TTC33: variants seen among roughly 807,000 people sequenced by gnomAD.
TTC33 encodes the protein tetratricopeptide repeat protein 33.
TTC33 carries 24 observed loss-of-function variants against 29.4 expected under a neutral mutation model. That is an observed-to-expected ratio of 0.82 (90% CI 0.59 to 1.15). The LOEUF is 1.15. Among genes scored for constraint, TTC33 ranks in the 50% most tolerant of loss-of-function variants. The pLI is 0.00. For synonymous variants in TTC33, 107 were observed against 100.3 expected (o/e 1.07, Z -0.40); for missense variants, 286 against 310.4 (o/e 0.92, Z 0.59).
chr5:40,743,403 C>A (rs1368620349), intron 2 of TTC33, among the ~76,000 whole-genome samples: 2 of 152,158 alleles, frequency 1.3e-5, no homozygotes, highest in Non-Finnish European at 2.9e-5. Flanking sequence ...ATTTGGTAGG[C>A]AGGGACTCAG....
chr5:40,719,614 G>A (rs987843790), intron 4 of TTC33, among the ~76,000 whole-genome samples: 5 of 152,096 alleles, frequency 3.3e-5, no homozygotes, highest in African/African-American at 1.2e-4. Context: ...TTTTTTTGAG[G>A]AGCTGCCAGA....
intron 4 of TTC33, among the ~76,000 whole-genome samples, chr5:40,721,697 C>T (rs1283121596): frequency 6.6e-6 from 1 of 150,890 alleles, no homozygotes; most frequent in African/African-American, 2.4e-5. Flanking sequence ...CAAAACAAAA[C>T]AAAACAAAAA....
intron 4 of TTC33, among the ~76,000 whole-genome samples, chr5:40,724,521 T>C (rs1742233235): frequency 6.6e-6 from 1 of 151,774 alleles, no homozygotes; most frequent in Non-Finnish European, 1.5e-5. Flanking sequence ...TAGTCCCAGC[T>C]ACTTGGGAGG....
At chr5:40,716,657 A>C (rs1379893255) in intron 4 of TTC33, among the ~76,000 whole-genome samples, 159 bp from the exon 5 acceptor site, 1 of 152,228 alleles carries the variant, frequency 6.6e-6, no homozygotes, top group African/African-American at 2.4e-5. Context: ...GTGTTGCCCT[A>C]AACACTGGGG....
chr5:40,717,492 A>G (rs1742027677), intron 4 of TTC33, among the ~76,000 whole-genome samples: 1 of 152,206 alleles, frequency 6.6e-6, no homozygotes, highest in African/African-American at 2.4e-5. Context: ...CCTCAGCACT[A>G]CTGACATATT....
At chr5:40,753,792 T>G (rs1742938672) in intron 1 of TTC33, among the ~76,000 whole-genome samples, 1 of 152,098 alleles carries the variant, frequency 6.6e-6, no homozygotes, top group Non-Finnish European at 1.5e-5. Context: ...AGATTCCAAA[T>G]GAAACTTTCT....
chr5:40,752,507 C>G (rs1278509845), intron 1 of TTC33, among the ~76,000 whole-genome samples: 1 of 152,198 alleles, frequency 6.6e-6, no homozygotes, highest in East Asian at 1.9e-4. Flanking sequence ...GTAGGATTAA[C>G]TGGCCTAATT....
chr5:40,717,229 CAAAAA>C (rs35359209), intron 4 of TTC33, among the ~76,000 whole-genome samples: 1 of 108,902 alleles, frequency 9.2e-6, no homozygotes, highest in Non-Finnish European at 1.8e-5. Context: ...AACTCCATCT[CAAAAA>C]AAAAAAAAAA....
rs1168289285 is a variant in TTC33, at chr5:40,714,810, G to C, written c.*1335C>G. ...AAAAAATGTAGATCATTACTTATAA[G>C]CTCCAACAGTAGTAAGATCTTTAAC... On this transcript the variant is annotated 3_prime_UTR_variant, in exon 5 of 5. Coordinates refer to ENST00000337702, the MANE Select transcript of TTC33 (RefSeq NM_012382.3). The C allele has an allele frequency of 6.6e-6, 1 of 152,116 alleles. No homozygotes were observed. The highest frequency in any genetic ancestry group is 2.4e-5 in the African/African-American group (1 of 41,396). The allele number at this position is 152,116 out of a possible 1,614,324, so 9.4% of individuals were successfully genotyped here.
At position 40,730,134 on chromosome 5, in the gene TTC33, T is replaced by C. The variant is rs888956728; in HGVS notation, c.303+128A>G. ...AGAACCATAAATAATGGTGAAATAT[T>C]TTTTCCCAAAGAAACCGTATTTGTA... is the stretch of plus-strand genomic sequence containing the variant. On this transcript the variant is annotated intron_variant, in intron 3 of 4. Transcript: ENST00000337702. 26 of 668,928 alleles carry C rather than the reference T, an allele frequency of 3.9e-5. No homozygotes were observed. The African/African-American group carries it at 4.7e-4, about 12-fold the overall frequency. 41.4% of individuals were successfully genotyped at this position (668,928 alleles called of 1,614,324 possible). A position where few individuals can be genotyped will look rare whatever the true frequency, so the allele number is the denominator to read the frequency against.
chr5:40,718,938 A>G (rs190684345), intron 4 of TTC33, among the ~76,000 whole-genome samples: 1 of 152,248 alleles, frequency 6.6e-6, no homozygotes. Flanking sequence ...TTAAGGTACC[A>G]TGGGAATTGT....
chr5:40,728,491 A>AC lies in TTC33; in HGVS notation c.304-16_304-15insG. 1 of 1,578,440 alleles carries AC rather than the reference A, an allele frequency of 6.3e-7. No individual in the cohort carries two copies. Among genetic ancestry groups the AC allele is most frequent in the East Asian group, 2.2e-5 (1 of 44,486 alleles). ...GACATTAGCACCTATAGGCAAAAAA[A>AC]GACCAAAAAATCTGTCAGTAATATT... On this transcript the variant is annotated splice_polypyrimidine_tract_variant and intron_variant, in intron 3 of 4. Transcript: ENST00000337702.
Position 40,717,337 on chromosome 5 carries a change from A to T in TTC33, c.436-839T>A, listed in dbSNP as rs111239700. Among the ~76,000 whole-genome samples the T allele has an allele frequency of 2.9e-3, 438 of 152,286 alleles. 2 individuals are homozygous for T. Among genetic ancestry groups the T allele is most frequent in the African/African-American group, 0.01 (427 of 41,580 alleles). The stretch of plus-strand genomic sequence containing the variant: ...TCAGTACTATTTTAGAGAAGCACAG[A>T]AAGAGTAGAAACCAAAGGTATCAGC... On this transcript the variant is annotated intron_variant, in intron 4 of 4. Transcript: ENST00000337702.
chr5:40,751,281 A>G (rs1742890245), intron 1 of TTC33, among the ~76,000 whole-genome samples: 1 of 152,248 alleles, frequency 6.6e-6, no homozygotes, highest in South Asian at 2.1e-4. Context: ...TTAATCTTGT[A>G]CATCTCCATC....
chr5:40,729,776 G>A (rs1427487067), intron 3 of TTC33, among the ~76,000 whole-genome samples: 1 of 152,146 alleles, frequency 6.6e-6, no homozygotes, highest in Non-Finnish European at 1.5e-5. Context: ...TCAGCTCACT[G>A]CAACCTCCGC....
intron 2 of TTC33, among the ~76,000 whole-genome samples, chr5:40,742,736 G>A (rs1359088291): frequency 6.6e-6 from 1 of 152,144 alleles, no homozygotes; most frequent in African/African-American, 2.4e-5. Flanking sequence ...ATTATCAAGT[G>A]CCATATTTTC....
At chr5:40,744,441 T>C (rs897152203) in intron 2 of TTC33, among the ~76,000 whole-genome samples, 9 of 150,860 alleles carry the variant, frequency 6.0e-5, no homozygotes, top group Non-Finnish European at 1.3e-4. Flanking sequence ...CTTTGATTCA[T>C]GTTTACAAAA....
intron 2 of TTC33, among the ~76,000 whole-genome samples, chr5:40,735,495 G>A (rs1297363382): frequency 1.3e-5 from 2 of 152,160 alleles, no homozygotes; most frequent in Non-Finnish European, 2.9e-5. Flanking sequence ...CTGGAAAACA[G>A]AGCCTGAGGC....
chr5:40,715,476 A>C lies in TTC33; in HGVS notation c.*669T>G, dbSNP rs1314977929. 6.6e-6 allele frequency: 1 copy of C among 152,336 alleles called. No homozygotes were observed. The highest frequency in any genetic ancestry group is 2.4e-5 in the African/African-American group (1 of 41,472). 9.4% of individuals were successfully genotyped at this position (152,336 alleles called of 1,614,324 possible). On this transcript the variant is annotated 3_prime_UTR_variant, in exon 5 of 5. Transcript: ENST00000337702. Reference sequence around the variant, plus strand: ...TAAAACCATCATTCTCATATTTATCAATACTTTACACTTTTACCAAATACT... The same window carrying C: ...TAAAACCATCATTCTCATATTTATCCATACTTTACACTTTTACCAAATACT...
Sources: gnomAD v4.1 joint callset for allele counts (sites outside exome capture counted in the v4.1 genomes callset) on GRCh38, gnomAD v4.1.1 for gene constraint, MANE v1.5 for transcripts, NCBI Gene and HGNC (gene_info 2026-07-23, HGNC 2026-07-21) for gene names.